Variants in TRPC6 observed in about 807,000 individuals in gnomAD.
TRPC6 encodes the protein transient receptor potential cation channel subfamily C member 6.
In TRPC6, 55 loss-of-function variants were observed where a neutral mutation model predicts 90.7. The ratio of observed to expected loss-of-function variants is 0.61; its 90% CI spans 0.49 to 0.76. The LOEUF is 0.76. Among genes scored for constraint, TRPC6 ranks in the 30% least tolerant of loss-of-function variants. The pLI, the probability that TRPC6 is intolerant of heterozygous loss-of-function variation, is 0.00. For synonymous variants in TRPC6, 393 were observed against 393.0 expected, an observed-to-expected ratio of 1.00 and a Z score of 0.00; for missense variants, 989 against 1,122.7, an observed-to-expected ratio of 0.88 and a Z score of 1.70.
At chr11:101,483,250 T>C in intron 4 of TRPC6, 85 bp from the exon 5 acceptor site, 1 of 1,311,656 alleles carries the variant, frequency 7.6e-7, no homozygotes, top group East Asian at 2.3e-5. Flanking sequence ...AGAATAAACA[T>C]CTGCACATTC....
Position 101,462,772 on chromosome 11 carries a change from C to T in TRPC6, c.2484+6655G>A, listed in dbSNP as rs1266578256. Among the ~76,000 whole-genome samples, 5 of 152,248 alleles carry T rather than the reference C, an allele frequency of 3.3e-5. No homozygotes were observed. The East Asian group carries it at 9.7e-4, about 29-fold the overall frequency. On this transcript the variant is annotated intron_variant, in intron 10 of 12. Transcript: ENST00000344327. The stretch of plus-strand genomic sequence containing the variant: ...TCTACAAACAGAGATAATTTGACTT[C>T]CTCTTTTCCTATTTGAATACCCTTT...
rs564487654 is a variant in TRPC6 at position 101,466,450 on chromosome 11, G to A, written c.2484+2977C>T. Among the ~76,000 whole-genome samples the A allele has an allele frequency of 2.6e-5, 4 of 152,382 alleles. No homozygotes were observed. The East Asian group carries it at 5.8e-4, about 22-fold the overall frequency. The stretch of plus-strand genomic sequence containing the variant: ...AGTCTGGCCACAGTGGCCTTGCTGA[G>A]CTGCAGTGGGCTCTGCCCAGTTTGA... On this transcript the variant is annotated intron_variant, in intron 10 of 12. Coordinates refer to ENST00000344327, the MANE Select transcript of TRPC6 (RefSeq NM_004621.6).
At chr11:101,560,305 A>C (rs1239493656) in intron 1 of TRPC6, among the ~76,000 whole-genome samples, 1 of 151,994 alleles carries the variant, frequency 6.6e-6, no homozygotes, top group Non-Finnish European at 1.5e-5. Context: ...CTTTAAAAAA[A>C]AAAACAGAGA....
intron 9 of TRPC6, among the ~76,000 whole-genome samples, chr11:101,470,561 T>C (rs1859263324): frequency 6.6e-6 from 1 of 152,160 alleles, no homozygotes; most frequent in African/African-American, 2.4e-5. Context: ...GAGACACAAA[T>C]TCCACATGTT....
In TRPC6 at chr11:101,462,017, G is replaced by T. The variant is rs1209603736; in HGVS notation, c.2485-6916C>A. 3.3e-5 allele frequency among the ~76,000 whole-genome samples: 5 copies of T among 152,190 alleles called. No homozygotes were observed. The East Asian group carries it at 7.7e-4, about 23-fold the overall frequency. ...AGTGAGGAAACTCACTTGGGGTCCA[G>T]TTTCAGTTTTCTGCGTATGGCTAGC... On this transcript the variant is annotated intron_variant, in intron 10 of 12. Transcript: ENST00000344327.
chr11:101,509,073 G>T lies in TRPC6; in HGVS notation c.171-4275C>A, dbSNP rs533165199. On this transcript the variant is annotated intron_variant, in intron 1 of 12. Transcript: ENST00000344327. The stretch of plus-strand genomic sequence containing the variant: ...TCATTTTTCAGCTGTTATGCAATAA[G>T]AAGACCCATGAAAAAAAGGCAAGGA... 4.2e-5 allele frequency among the ~76,000 whole-genome samples: 5 copies of T among 118,468 alleles called. No homozygotes were observed. In the South Asian group the frequency reaches 1.3e-3, roughly 30 times the overall value. The allele number at this position is 118,468 out of a possible 152,430, so 77.7% of individuals were successfully genotyped here.
chr11:101,516,187 T>C (rs1366246509), intron 1 of TRPC6, among the ~76,000 whole-genome samples: 2 of 151,854 alleles, frequency 1.3e-5, no homozygotes, highest in Admixed American at 6.5e-5. Context: ...ATACCTAGGA[T>C]TAGTTATGAA....
At chr11:101,564,690 T>C (rs969150926) in intron 1 of TRPC6, among the ~76,000 whole-genome samples, 1 of 152,088 alleles carries the variant, frequency 6.6e-6, no homozygotes, top group African/African-American at 2.4e-5. Flanking sequence ...AAAATTCCAG[T>C]AGCATTTTTC....
intron 5 of TRPC6, among the ~76,000 whole-genome samples, chr11:101,480,315 A>G (rs1859522377): frequency 6.6e-6 from 1 of 152,118 alleles, no homozygotes; most frequent in African/African-American, 2.4e-5. Flanking sequence ...AAAGCTTTTC[A>G]TTCCTCCAGT....
Position 101,454,930 on chromosome 11 carries a change from A to T in TRPC6, c.2568+88T>A, listed in dbSNP as rs973371836. The T allele has an allele frequency of 1.2e-5, 12 of 1,040,150 alleles. No individual in the cohort carries two copies. In the Middle Eastern group the frequency reaches 7.3e-4, roughly 63 times the overall value. 64.4% of individuals were successfully genotyped at this position (1,040,150 alleles called of 1,614,324 possible). On this transcript the variant is annotated intron_variant, in intron 11 of 12. Transcript: ENST00000344327. ...TAATGCATTATTTGATATTGAGAAA[A>T]ATATCCTGATACTTTAAAGAATCAC...
intron 1 of TRPC6, among the ~76,000 whole-genome samples, chr11:101,546,053 T>TATCCTCAGACTCATG (rs1565237486): frequency 3.1e-5 from 1 of 32,160 alleles, no homozygotes; most frequent in Non-Finnish European, 6.1e-5. Context: ...TATAACTCTT[T>TATCCTCAGACTCATG]TTTTTTTTTT....
In TRPC6 at chr11:101,476,667, C is replaced by T. The variant is rs1053267304; in HGVS notation, c.1511-133G>A. ...AAAATTTGGTCCCAACCTGCCGTCC[C>T]ACCATAATTCCCATATCCTCACAAA... On this transcript the variant is annotated intron_variant, in intron 5 of 12. Coordinates refer to ENST00000344327, the MANE Select transcript of TRPC6 (RefSeq NM_004621.6). 4.0e-6 allele frequency: 3 copies of T among 751,412 alleles called. No homozygotes were observed. The African/African-American group carries it at 5.2e-5, about 13-fold the overall frequency. 46.5% of individuals were successfully genotyped at this position (751,412 alleles called of 1,614,324 possible). A position where few individuals can be genotyped will look rare whatever the true frequency, so the allele number is the denominator to read the frequency against.
At chr11:101,565,953 G>T (rs1211742882) in intron 1 of TRPC6, among the ~76,000 whole-genome samples, 1 of 152,022 alleles carries the variant, frequency 6.6e-6, no homozygotes, top group Non-Finnish European at 1.5e-5. Flanking sequence ...TTTAGACAAG[G>T]ACTTACTAAT....
At chr11:101,578,330 T>C (rs1862117752) in intron 1 of TRPC6, among the ~76,000 whole-genome samples, 1 of 152,218 alleles carries the variant, frequency 6.6e-6, no homozygotes, top group African/African-American at 2.4e-5. Context: ...AAGAGACTAG[T>C]TATCCTATTG....
intron 1 of TRPC6, among the ~76,000 whole-genome samples, chr11:101,525,037 G>GTT (rs71056620): frequency 0.085 from 12,898 of 152,268 alleles, 725 homozygotes; most frequent in Middle Eastern, 0.13. Context: ...TAAAGGAATT[G>GTT]TTGAAGAGAT....
At chr11:101,555,937 A>T (rs914177554) in intron 1 of TRPC6, among the ~76,000 whole-genome samples, 3 of 152,150 alleles carry the variant, frequency 2.0e-5, no homozygotes, top group Non-Finnish European at 4.4e-5. Flanking sequence ...ATTTGCCAAT[A>T]CACGGATATT....
At chr11:101,564,023 TCCCA>T (rs1861773861) in intron 1 of TRPC6, among the ~76,000 whole-genome samples, 1 of 149,970 alleles carries the variant, frequency 6.7e-6, no homozygotes. Context: ...TTCTTCCTAC[TCCCA>T]CCTCCCCAGT....
chr11:101,462,430 T>G (rs1397344444), intron 10 of TRPC6, among the ~76,000 whole-genome samples: 1 of 152,220 alleles, frequency 6.6e-6, no homozygotes, highest in African/African-American at 2.4e-5. Context: ...TATTGATTCT[T>G]CCTATCCATG....
chr11:101,561,175 A>C, intron 1 of TRPC6, among the ~76,000 whole-genome samples: 1 of 152,136 alleles, frequency 6.6e-6, no homozygotes, highest in East Asian at 1.9e-4. Flanking sequence ...TATCAATTCT[A>C]TCAGTGGGTT....
Sources: gnomAD v4.1 joint callset for allele counts (sites outside exome capture counted in the v4.1 genomes callset) on GRCh38, gnomAD v4.1.1 for gene constraint, MANE v1.5 for transcripts, NCBI Gene and HGNC (gene_info 2026-07-23, HGNC 2026-07-21) for gene names.